AMBRA1: variants seen among roughly 807,000 people sequenced by gnomAD.
AMBRA1 encodes the protein autophagy and beclin 1 regulator 1, also known as activating molecule in BECN1-regulated autophagy protein 1.
A neutral mutation model predicts 125.4 loss-of-function variants in AMBRA1; 47 were observed. The observed-to-expected ratio is 0.37, with a 90% CI of 0.30 to 0.48. The LOEUF (loss-of-function observed/expected upper bound fraction) is 0.48, where lower values mean the gene tolerates loss of function less well. Among genes scored for constraint, AMBRA1 ranks in the 20% least tolerant of loss-of-function variants. AMBRA1 has a pLI of 0.99. For missense variants in AMBRA1, 1,331 were observed against 1,693.4 expected, an observed-to-expected ratio of 0.79 and a Z score of 3.76; for synonymous variants, 626 against 655.5, an observed-to-expected ratio of 0.95 and a Z score of 0.69.
At chr11:46,461,087 T>TA (rs1186518040) in intron 11 of AMBRA1, among the ~76,000 whole-genome samples, 1 of 151,896 alleles carries the variant, frequency 6.6e-6, no homozygotes, top group Non-Finnish European at 1.5e-5. Flanking sequence ...TACAAAAAAT[T>TA]AAAAAATTAG....
rs1395957353 is a variant in AMBRA1 at position 46,410,314 on chromosome 11, G to A, written c.3171C>T (p.Phe1057=). The change falls in exon 16 of 18, where the codon TTC becomes TTT. Residue 1057 remains phenylalanine (F), a synonymous_variant. Coordinates refer to ENST00000683756, the MANE Select transcript of AMBRA1 (RefSeq NM_001387011.1). ...TGCTCCTGCTGTTGGAATGGACAGT[G>A]AAGACCGTCTCGTTCAGCTGGTCCC... ...YYWDQLNETV[F]TVHSNSRSSE... is the part of the protein sequence containing the mutation. 6.2e-7 allele frequency: 1 copy of A among 1,613,988 alleles called. No homozygotes were observed. Among genetic ancestry groups the A allele is most frequent in the East Asian group, 2.2e-5 (1 of 44,884 alleles).
intron 1 of AMBRA1, among the ~76,000 whole-genome samples, chr11:46,585,872 C>A (rs1460350576): frequency 2.0e-5 from 3 of 148,890 alleles, no homozygotes; most frequent in Non-Finnish European, 3.0e-5. Context: ...ATGGCATGAT[C>A]TCAGCTCACC....
chr11:46,433,351 CT>C, intron 14 of AMBRA1, 122 bp downstream of exon 14: 1 of 1,243,734 alleles, frequency 8.0e-7, no homozygotes, highest in East Asian at 2.6e-5. Flanking sequence ...ACAGCCCTTC[CT>C]TACTCCTTAT....
intron 17 of AMBRA1, among the ~76,000 whole-genome samples, chr11:46,407,555 C>A (rs1946084909): frequency 6.6e-6 from 1 of 152,232 alleles, no homozygotes; most frequent in South Asian, 2.1e-4. Context: ...ATGGCCCCAG[C>A]GAGGGGCTTC....
intron 1 of AMBRA1, among the ~76,000 whole-genome samples, chr11:46,581,531 C>T (rs963999715): frequency 1.3e-5 from 2 of 151,878 alleles, no homozygotes; most frequent in African/African-American, 2.4e-5. Context: ...GACGTGAGCC[C>T]GGAGGCAGAG....
At chr11:46,519,086 C>T (rs928931860) in intron 7 of AMBRA1, among the ~76,000 whole-genome samples, 3 of 152,174 alleles carry the variant, frequency 2.0e-5, no homozygotes, top group Admixed American at 6.5e-5. Context: ...TACAGTGGCG[C>T]GATCTTGGCT....
chr11:46,549,726 C>T (rs113115425), intron 1 of AMBRA1, among the ~76,000 whole-genome samples: 4 of 152,106 alleles, frequency 2.6e-5, no homozygotes, highest in African/African-American at 9.6e-5. Flanking sequence ...CGACTTTGGA[C>T]GTTTATGTCT....
chr11:46,429,198 G>C, intron 14 of AMBRA1: 2 of 1,458,430 alleles, frequency 1.4e-6, no homozygotes, highest in South Asian at 2.4e-5. Flanking sequence ...CCTCTCCCTC[G>C]GACAATCTTC....
At chr11:46,562,400 T>C (rs2043369418) in intron 1 of AMBRA1, among the ~76,000 whole-genome samples, 2 of 152,192 alleles carry the variant, frequency 1.3e-5, no homozygotes, top group Admixed American at 1.3e-4. Context: ...TTAAGTGTAA[T>C]GGGTTACTAT....
chr11:46,506,389 G>T (rs143591025), intron 9 of AMBRA1, among the ~76,000 whole-genome samples: 228 of 152,340 alleles, frequency 1.5e-3, no homozygotes, highest in African/African-American at 5.0e-3. Context: ...GCTTCTAAGA[G>T]CACAAATGCT....
At chr11:46,427,200 T>C (rs1455990350) in intron 14 of AMBRA1, among the ~76,000 whole-genome samples, 2 of 152,198 alleles carry the variant, frequency 1.3e-5, no homozygotes, top group African/African-American at 2.4e-5. Context: ...TTCTGGTCAG[T>C]GCTGACAGCA....
At chr11:46,478,529 T>C (rs1233607323) in intron 11 of AMBRA1, among the ~76,000 whole-genome samples, 1 of 152,142 alleles carries the variant, frequency 6.6e-6, no homozygotes, top group Non-Finnish European at 1.5e-5. Context: ...TTCCCTGATA[T>C]CCTATGTCTA....
intron 11 of AMBRA1, among the ~76,000 whole-genome samples, chr11:46,456,913 G>GC (rs1361909116): frequency 6.6e-6 from 1 of 151,716 alleles, no homozygotes; most frequent in Non-Finnish European, 1.5e-5. Flanking sequence ...CTCCTCTTCC[G>GC]CCCCCACTCA....
At chr11:46,471,477 C>T (rs970438383) in intron 11 of AMBRA1, among the ~76,000 whole-genome samples, 4 of 151,598 alleles carry the variant, frequency 2.6e-5, no homozygotes, top group African/African-American at 7.3e-5. Context: ...ACTCGAGAGG[C>T]TGAAGCAGGA....
chr11:46,556,933 T>TC (rs1348134211), intron 1 of AMBRA1, among the ~76,000 whole-genome samples: 1 of 151,938 alleles, frequency 6.6e-6, no homozygotes, highest in East Asian at 1.9e-4. Context: ...GGTCAGGAGT[T>TC]CAAGACCAGC....
chr11:46,573,382 C>T (rs1379218124), intron 1 of AMBRA1, among the ~76,000 whole-genome samples: 4 of 150,732 alleles, frequency 2.7e-5, no homozygotes, highest in Admixed American at 6.6e-5. Context: ...CCAGCCTGGG[C>T]GACAGAGTGA....
At position 46,552,886 on chromosome 11, in the gene AMBRA1, AT is replaced by A. The variant is rs530961435; in HGVS notation, c.-120-4387del. On this transcript the variant is annotated intron_variant, in intron 1 of 17. Coordinates refer to ENST00000683756, the MANE Select transcript of AMBRA1 (RefSeq NM_001387011.1). ...TAATAATTTTAATAGGCAAGTTTCT[AT>A]TTTTTTTTCACTTTTTAATTTTAAA... Among the ~76,000 whole-genome samples, 38 of 149,142 alleles carry A rather than the reference AT, an allele frequency of 2.5e-4. No homozygotes were observed. The South Asian group carries it at 3.2e-3, about 13-fold the overall frequency.
At chr11:46,577,967 A>G (rs1382219741) in intron 1 of AMBRA1, among the ~76,000 whole-genome samples, 2 of 151,964 alleles carry the variant, frequency 1.3e-5, no homozygotes, top group Non-Finnish European at 2.9e-5. Flanking sequence ...AAAACGAAAC[A>G]AAACAAAAAC....
At chr11:46,501,577 G>A (rs549392003) in intron 9 of AMBRA1, among the ~76,000 whole-genome samples, 6 of 152,324 alleles carry the variant, frequency 3.9e-5, no homozygotes, top group Non-Finnish European at 4.4e-5. Context: ...TCAGGGCACT[G>A]ACCATATTTG....
Sources: gnomAD v4.1 joint callset for allele counts (sites outside exome capture counted in the v4.1 genomes callset) on GRCh38, gnomAD v4.1.1 for gene constraint, MANE v1.5 for transcripts, NCBI Gene and HGNC (gene_info 2026-07-23, HGNC 2026-07-21) for gene names.